NOTCH1: variants seen among roughly 807,000 people sequenced by gnomAD.
NOTCH1 encodes neurogenic locus notch homolog protein 1.
Under a neutral mutation model 254.8 loss-of-function variants are expected in NOTCH1, and 37 were observed. That is an observed-to-expected ratio of 0.15 (90% CI 0.11 to 0.19). The LOEUF (loss-of-function observed/expected upper bound fraction) is 0.19, where lower values mean the gene tolerates loss of function less well. Ranked by LOEUF, NOTCH1 falls within the 10% of genes least tolerant of loss-of-function variation. The probability of loss-of-function intolerance (pLI) is 1.00; values close to 1 mark genes in which losing one functional copy is unlikely to be tolerated. For missense variants in NOTCH1, 2,972 were observed against 3,708.6 expected (o/e 0.80, Z 5.16); for synonymous variants, 1,731 against 1,618.1 (o/e 1.07, Z -1.68).
At chr9:136,527,972 T>C (rs1843494683) in intron 2 of NOTCH1, among the ~76,000 whole-genome samples, 1 of 152,104 alleles carries the variant, frequency 6.6e-6, no homozygotes, top group Admixed American at 6.5e-5. Flanking sequence ...TCCATGGAAA[T>C]GCGACTCCAG....
In NOTCH1 at chr9:136,519,513, G is replaced by C. The variant is rs1382987716; in HGVS notation, c.795C>G (p.Asn265Lys). 6.2e-7 allele frequency: 1 copy of C among 1,613,058 alleles called. No homozygotes were observed. The change falls in exon 5 of 34, where the codon AAC (asparagine) becomes AAG (lysine). Residue 265 changes from asparagine to lysine, a missense_variant. Transcript: ENST00000651671. ...EENIDDCPGN[N>K]CKNGGACVDG... The stretch of plus-strand genomic sequence containing the variant: ...CCACACAGGCACCCCCGTTCTTGCA[G>C]TTGTTTCCTGGACAATCGTCGATAT...
Position 136,545,984 on chromosome 9 carries a change from T to TCGCGCC in NOTCH1, c.-204_-199dup, listed in dbSNP as rs574505519. On this transcript the variant is annotated 5_prime_UTR_variant, in exon 1 of 34. Coordinates refer to ENST00000651671, the MANE Select transcript of NOTCH1 (RefSeq NM_017617.5). The surrounding 1 kb of genome is among the most constrained non-coding windows in gnomAD (Gnocchi z 6.8). ...CGCCCGGCTCGTTCCTTCGCTGCGC[T>TCGCGCC]CGCGCCCGCGCCCGCGCCCCGCGCC... Among the ~76,000 whole-genome samples the TCGCGCC allele has an allele frequency of 1.7e-4, 25 of 144,940 alleles. No homozygotes were observed. Among genetic ancestry groups the TCGCGCC allele is most frequent in the South Asian group, 1.3e-3 (6 of 4,714 alleles).
chr9:136,502,657 T>C (rs2133332233), intron 27 of NOTCH1, 169 bp from the exon 28 acceptor site: 1 of 576,820 alleles, frequency 1.7e-6, no homozygotes, highest in Non-Finnish European at 3.0e-6. Flanking sequence ...TAATCAGAAT[T>C]GCAAACTATC....
rs2133314966 is a variant in NOTCH1 at position 136,496,325 on chromosome 9, G to A, written c.7414C>T (p.Leu2472=). ...TGGGCTGCGGTCACGGGTGGGACCA[G>A]CGAGGATGGCAGCGACGTGGGCAGG... is the stretch of plus-strand genomic sequence containing the variant. ...PALPTSLPSS[L]VPPVTAAQFL... The change falls in exon 34 of 34, where the codon CTG becomes TTG. Residue 2472 remains leucine, a synonymous_variant. Coordinates refer to ENST00000651671, the MANE Select transcript of NOTCH1 (RefSeq NM_017617.5). 1 of 1,595,044 alleles carries A rather than the reference G, an allele frequency of 6.3e-7. No homozygotes were observed. The highest frequency in any genetic ancestry group is 8.5e-7 in the Non-Finnish European group (1 of 1,171,260).
At chr9:136,521,478 G>A (rs1016640439) in intron 4 of NOTCH1, among the ~76,000 whole-genome samples, 4 of 152,116 alleles carry the variant, frequency 2.6e-5, no homozygotes, top group Admixed American at 2.6e-4. Flanking sequence ...TGCCCAAGGC[G>A]GGTGGGCATC....
At position 136,506,333 on chromosome 9, in the gene NOTCH1, G is replaced by A. The variant is rs1843083793; in HGVS notation, c.4014+194C>T. ...AGCCACCCCAGGGAGTCTACTTCCT[G>A]CTCCATTTTTCTATAAATCTAAAAT... On this transcript the variant is annotated intron_variant, in intron 24 of 33. Transcript: ENST00000651671. The surrounding 1 kb of genome is among the most constrained non-coding windows in gnomAD (Gnocchi z 4.5). Among the ~76,000 whole-genome samples, 1 of 151,376 alleles carries A rather than the reference G, an allele frequency of 6.6e-6. No homozygotes were observed. Among genetic ancestry groups the A allele is most frequent in the South Asian group, 2.1e-4 (1 of 4,814 alleles).
rs1589052194 is a variant in NOTCH1, at chr9:136,495,984, T to C, written c.*87A>G. On this transcript the variant is annotated 3_prime_UTR_variant, in exon 34 of 34. Coordinates refer to ENST00000651671, the MANE Select transcript of NOTCH1 (RefSeq NM_017617.5). ...ATAAAAACATGTGTTTTAAAAAGGC[T>C]CCTCTGGTCGGCCCTGGCATCCACA... 1 of 1,388,766 alleles carries C rather than the reference T, an allele frequency of 7.2e-7. No homozygotes were observed. Among genetic ancestry groups the C allele is most frequent in the East Asian group, 2.4e-5 (1 of 41,554 alleles). The allele number at this position is 1,388,766 out of a possible 1,614,324, so 86.0% of individuals were successfully genotyped here.
intron 30 of NOTCH1, among the ~76,000 whole-genome samples, chr9:136,501,263 A>ATCGC (rs1412763146): frequency 6.6e-6 from 1 of 151,962 alleles, no homozygotes; most frequent in Non-Finnish European, 1.5e-5. Flanking sequence ...GTGAAACCCC[A>ATCGC]TCGCTGCTAA....
rs568700183 is a variant in NOTCH1 at position 136,504,761 on chromosome 9, G to A, written c.4930C>T (p.Leu1644=). 919 of 1,549,554 alleles carry A rather than the reference G, an allele frequency of 5.9e-4. No homozygotes were observed. The highest frequency in any genetic ancestry group is 7.6e-4 in the Non-Finnish European group (867 of 1,146,940). Residue 1644 remains leucine, a synonymous_variant, in exon 26 of 34, where the codon CTG becomes TTG. Coordinates refer to ENST00000651671, the MANE Select transcript of NOTCH1 (RefSeq NM_017617.5). ...AAEGWAAPDA[L]LGQVKASLLP... ...AGCGAGGCCTTCACCTGGCCCAGCA[G>A]GGCGTCAGGTGCGGCCCAGCCCTCG...
intron 4 of NOTCH1, among the ~76,000 whole-genome samples, chr9:136,520,653 G>A (rs1364421664): frequency 6.6e-6 from 1 of 152,026 alleles, no homozygotes; most frequent in Non-Finnish European, 1.5e-5. Flanking sequence ...CAGAAGGATC[G>A]CTTTAGCCTG....
In NOTCH1 at chr9:136,505,737, C is replaced by T. The variant is rs2133340579; in HGVS notation, c.4159G>A (p.Ala1387Thr). The T allele has an allele frequency of 6.3e-7, 1 of 1,591,644 alleles. No homozygotes were observed. Among genetic ancestry groups the T allele is most frequent in the South Asian group, 1.1e-5 (1 of 89,136 alleles). Residue 1387 changes from alanine to threonine, a missense_variant, in exon 25 of 34, where the codon GCC becomes ACC. Physicochemically the swap from Ala to Thr is moderately conservative, Grantham distance 58. Around this residue, in one of 8 missense-constraint regions of NOTCH1, gnomAD observed 1,343 missense variants for 1,557.0 expected, o/e 0.86. Coordinates refer to ENST00000651671, the MANE Select transcript of NOTCH1 (RefSeq NM_017617.5). ...TTGCCGCCCAGGCAGGGGCTGCTGGCCGGGAACTGGCATTCGGGGCCCGTG... is the reference window on the plus strand; with the variant it reads ...TTGCCGCCCAGGCAGGGGCTGCTGGTCGGGAACTGGCATTCGGGGCCCGTG... ...PFTGPECQFP[A>T]SSPCLGGNPC...
rs1484181390 is a variant in NOTCH1 at position 136,524,634 on chromosome 9, CTTTTCTTTT to C, written c.141-664_141-656del. ...TTCCTACGTGGAAGCCTTTCTTTTT[CTTTTCTTTT>C]TTTTTTTTTTTTTTTTTTGAGTCTT... On this transcript the variant is annotated intron_variant, in intron 2 of 33. Coordinates refer to ENST00000651671, the MANE Select transcript of NOTCH1 (RefSeq NM_017617.5). 2.3e-3 allele frequency among the ~76,000 whole-genome samples: 289 copies of C among 127,776 alleles called. 12 individuals carry two copies. The East Asian group carries it at 0.044, about 19-fold the overall frequency. 83.8% of individuals were successfully genotyped at this position (127,776 alleles called of 152,430 possible).
chr9:136,505,741 G>A lies in NOTCH1; in HGVS notation c.4155C>T (p.Phe1385=), dbSNP rs2133340597. Reference sequence around the variant, plus strand: ...CGCCCAGGCAGGGGCTGCTGGCCGGGAACTGGCATTCGGGGCCCGTGAAGG... The same window carrying A: ...CGCCCAGGCAGGGGCTGCTGGCCGGAAACTGGCATTCGGGGCCCGTGAAGG... The part of the protein sequence containing the change: ...LGPFTGPECQ[F]PASSPCLGGN... Residue 1385 remains phenylalanine, a synonymous_variant, in exon 25 of 34, where the codon TTC becomes TTT. Coordinates refer to ENST00000651671, the MANE Select transcript of NOTCH1 (RefSeq NM_017617.5). 4 of 1,591,520 alleles carry A rather than the reference G, an allele frequency of 2.5e-6. No homozygotes were observed. The highest frequency in any genetic ancestry group is 3.4e-6 in the Non-Finnish European group (4 of 1,167,200).
chr9:136,494,764 A>G lies in NOTCH1; in HGVS notation c.*1307T>C. On this transcript the variant is annotated 3_prime_UTR_variant, in exon 34 of 34. Transcript: ENST00000651671. ...ACGTCCCTCACTGGCATGACACACA[A>G]CAGACTCATTCATTAAGATTTTTTA... 5.0e-6 allele frequency: 2 copies of G among 398,744 alleles called. No homozygotes were observed. The highest frequency in any genetic ancestry group is 8.8e-6 in the Non-Finnish European group (2 of 226,022). 24.7% of individuals were successfully genotyped at this position (398,744 alleles called of 1,614,324 possible).
At position 136,496,461 on chromosome 9, in the gene NOTCH1, G is replaced by A. The variant is rs757461161; in HGVS notation, c.7278C>T (p.Ser2426=). The change falls in exon 34 of 34, where the codon AGC becomes AGT. Residue 2426 remains serine, a synonymous_variant. Coordinates refer to ENST00000651671, the MANE Select transcript of NOTCH1 (RefSeq NM_017617.5). ...QPHLGVSSAA[S]GHLGRSFLSG... ...TCAGGAAGCTCCGGCCCAGGTGGCC[G>A]CTGGCTGCTGAGCTCACGCCAAGGT... 22 of 1,600,402 alleles carry A rather than the reference G, an allele frequency of 1.4e-5. No individual in the cohort carries two copies. The highest frequency in any genetic ancestry group is 5.5e-5 in the South Asian group (5 of 91,090).
rs372622631 is a variant in NOTCH1 at position 136,510,637 on chromosome 9, C to A, written c.2740+16G>T. 6.3e-7 allele frequency: 1 copy of A among 1,599,696 alleles called. No homozygotes were observed. The highest frequency in any genetic ancestry group is 8.5e-7 in the Non-Finnish European group (1 of 1,177,246). ...GAGAGCTTCCTGGAGGAGGCCAGAG[C>A]CGCGGGGCTACTCACTGGGCCGGCA... is the stretch of plus-strand genomic sequence containing the variant. On this transcript the variant is annotated intron_variant, in intron 17 of 33. Coordinates refer to ENST00000651671, the MANE Select transcript of NOTCH1 (RefSeq NM_017617.5).
At chr9:136,533,742 T>C (rs945251980) in intron 2 of NOTCH1, among the ~76,000 whole-genome samples, 1 of 152,246 alleles carries the variant, frequency 6.6e-6, no homozygotes, top group African/African-American at 2.4e-5. Context: ...TCGGTGACCA[T>C]GGGCCTACAG....
intron 2 of NOTCH1, among the ~76,000 whole-genome samples, chr9:136,535,217 G>A (rs1013834500): frequency 2.0e-5 from 3 of 151,938 alleles, no homozygotes; most frequent in African/African-American, 7.3e-5. Context: ...CTCCCGCCCA[G>A]CGGGTGCAGC....
At chr9:136,514,338 C>T (rs1462327649) in intron 13 of NOTCH1, among the ~76,000 whole-genome samples, 172 bp downstream of exon 13, 2 of 152,208 alleles carry the variant, frequency 1.3e-5, no homozygotes, top group African/African-American at 2.4e-5. Context: ...GGACTGTAGT[C>T]TGACTGAGGA....
Sources: gnomAD v4.1 joint callset for allele counts (sites outside exome capture counted in the v4.1 genomes callset) on GRCh38, gnomAD v4.1.1 for gene constraint, gnomAD v4.1.1 regional missense constraint, Gnocchi (gnomAD v3.1) non-coding constraint, MANE v1.5 for transcripts, NCBI Gene and HGNC (gene_info 2026-07-23, HGNC 2026-07-21) for gene names.